The following ADGRD1 variants were observed in gnomAD, a reference collection of about 807,000 sequenced individuals.
The protein encoded by ADGRD1 is G-protein coupled receptor 133.
Under a neutral mutation model 113.4 loss-of-function variants are expected in ADGRD1, and 77 were observed. The observed-to-expected ratio is 0.68, with a 90% CI of 0.57 to 0.82. The LOEUF (loss-of-function observed/expected upper bound fraction) is 0.82. ADGRD1 is among the 40% of genes least tolerant of loss of function. The pLI, the probability that ADGRD1 is intolerant of heterozygous loss-of-function variation, is 0.00. For synonymous variants in ADGRD1, 474 were observed against 475.0 expected (o/e 1.00, Z 0.03); for missense variants, 1,036 against 1,139.1 (o/e 0.91, Z 1.30).
In ADGRD1 at chr12:131,091,543, C is replaced by T. The variant is rs73468767; in HGVS notation, c.1671+6880C>T. 2.4e-3 allele frequency among the ~76,000 whole-genome samples: 365 copies of T among 152,322 alleles called. 1 individual carries two copies. The highest frequency in any genetic ancestry group is 8.3e-3 in the African/African-American group (343 of 41,558). ...GTAACATTGTGTGAAAAGGACAAGACGTAGACTAGAGTGATACATATCCCA... is the reference window on the plus strand; with the variant it reads ...GTAACATTGTGTGAAAAGGACAAGATGTAGACTAGAGTGATACATATCCCA... On this transcript the variant is annotated intron_variant, in intron 15 of 24. Coordinates refer to ENST00000261654, the MANE Select transcript of ADGRD1 (RefSeq NM_198827.5).
At chr12:130,974,822 G>A (rs568503311) in intron 4 of ADGRD1, among the ~76,000 whole-genome samples, 6 of 151,824 alleles carry the variant, frequency 4.0e-5, no homozygotes, top group Middle Eastern at 3.4e-3. Flanking sequence ...CCGGACCCCC[G>A]CTCCCGGCCC....
chr12:131,118,347 T>C (rs757929346), intron 18 of ADGRD1, 38 bp from the exon 19 acceptor site: 68 of 1,531,274 alleles, frequency 4.4e-5, no homozygotes, highest in Non-Finnish European at 5.8e-5. Context: ...GGAAGAAAAC[T>C]GGAGCAAGTG....
At position 130,954,729 on chromosome 12, in the gene ADGRD1, C is replaced by A; in HGVS notation, c.103+69C>A. The A allele has an allele frequency of 1.4e-6, 2 of 1,444,366 alleles. No homozygotes were observed. The highest frequency in any genetic ancestry group is 1.9e-6 in the Non-Finnish European group (2 of 1,027,136). 89.5% of individuals were successfully genotyped at this position (1,444,366 alleles called of 1,614,324 possible). On this transcript the variant is annotated intron_variant, in intron 2 of 24. Transcript: ENST00000261654. The surrounding 1 kb of genome is among the most constrained non-coding windows in gnomAD (Gnocchi z 4.7). ...CCTAGTGCAGGTATCTCAGGAACAGCCCACTTGTTCATCTCTGAGGCATCA... is the reference window on the plus strand; with the variant it reads ...CCTAGTGCAGGTATCTCAGGAACAGACCACTTGTTCATCTCTGAGGCATCA...
chr12:130,956,695 C>A (rs1289103270), intron 2 of ADGRD1: 1 of 152,286 alleles, frequency 6.6e-6, no homozygotes, highest in East Asian at 1.9e-4. Context: ...GCCCTCACTG[C>A]TGCTCAGTGT....
intron 13 of ADGRD1, among the ~76,000 whole-genome samples, chr12:131,033,405 G>A (rs1030055075): frequency 1.3e-5 from 2 of 152,248 alleles, no homozygotes; most frequent in Admixed American, 6.5e-5. Flanking sequence ...CAGAGCCCTG[G>A]AGGCACAGTG....
chr12:131,134,260 G>T (rs983220488), intron 21 of ADGRD1, among the ~76,000 whole-genome samples: 3 of 152,166 alleles, frequency 2.0e-5, no homozygotes, highest in Non-Finnish European at 4.4e-5. Context: ...GCAGAAGGGG[G>T]TCATAGATCA....
At chr12:131,074,811 C>T (rs915010765) in intron 13 of ADGRD1, among the ~76,000 whole-genome samples, 1 of 152,156 alleles carries the variant, frequency 6.6e-6, no homozygotes, top group Non-Finnish European at 1.5e-5. Context: ...CGTTTCAGGG[C>T]GTGATCTTGG....
intron 9 of ADGRD1, chr12:131,002,804 G>T (rs1177138849): frequency 1.6e-5 from 20 of 1,236,868 alleles, no homozygotes; most frequent in Non-Finnish European, 1.8e-5. Flanking sequence ...GTGGACCTGG[G>T]GGCGATCAGC....
chr12:131,123,047 T>TTG, intron 20 of ADGRD1, among the ~76,000 whole-genome samples: 1 of 120,982 alleles, frequency 8.3e-6, no homozygotes, highest in Middle Eastern at 3.9e-3. Flanking sequence ...GAGTTTTTTT[T>TTG]TTTTTTTTTT....
At chr12:131,053,013 C>T (rs978441552) in intron 13 of ADGRD1, among the ~76,000 whole-genome samples, 2 of 152,234 alleles carry the variant, frequency 1.3e-5, no homozygotes, top group Non-Finnish European at 2.9e-5. Flanking sequence ...GGCTGTTTTT[C>T]TGCCTGATCC....
At chr12:130,958,240 C>T (rs1455346476) in intron 2 of ADGRD1, among the ~76,000 whole-genome samples, 1 of 133,810 alleles carries the variant, frequency 7.5e-6, no homozygotes, top group Admixed American at 8.9e-5. Flanking sequence ...TTCTCTGTCG[C>T]CCAGGCTGGA....
At chr12:131,080,367 T>G (rs539476950) in intron 14 of ADGRD1, among the ~76,000 whole-genome samples, 17 of 152,286 alleles carry the variant, frequency 1.1e-4, no homozygotes, top group African/African-American at 4.1e-4. Context: ...CTTTTAAATT[T>G]GTTAAAAGTT....
rs1315534903 is a variant in ADGRD1 at position 131,136,918 on chromosome 12, T to A, written c.2395-55T>A. On this transcript the variant is annotated intron_variant, in intron 22 of 24. Coordinates refer to ENST00000261654, the MANE Select transcript of ADGRD1 (RefSeq NM_198827.5). ...GGCTGCATGGGAGGAACCTCCAGTG[T>A]TCCTAACTACGTGCAAAGGGCTCTA... 3.6e-6 allele frequency: 5 copies of A among 1,407,660 alleles called. No individual in the cohort carries two copies. The African/African-American group carries it at 7.1e-5, about 20-fold the overall frequency. 87.2% of individuals were successfully genotyped at this position (1,407,660 alleles called of 1,614,324 possible).
chr12:130,983,709 G>A (rs1023603521), intron 5 of ADGRD1, among the ~76,000 whole-genome samples: 2 of 152,192 alleles, frequency 1.3e-5, no homozygotes, highest in African/African-American at 2.4e-5. Flanking sequence ...GTCCAAGCGT[G>A]CTCCAGAGAC....
At chr12:131,072,282 T>G (rs988635240) in intron 13 of ADGRD1, among the ~76,000 whole-genome samples, 5 of 152,266 alleles carry the variant, frequency 3.3e-5, no homozygotes, top group East Asian at 1.9e-4. Context: ...TCACACTGGA[T>G]GGTGGGTCTC....
Position 131,123,063 on chromosome 12 carries a change from T to G in ADGRD1, c.2175+2150T>G, listed in dbSNP as rs866237238. Among the ~76,000 whole-genome samples, 266 of 133,348 alleles carry G rather than the reference T, an allele frequency of 2.0e-3. 2 individuals are homozygous for G. The highest frequency in any genetic ancestry group is 0.011 in the Middle Eastern group (3 of 270). 87.5% of individuals were successfully genotyped at this position (133,348 alleles called of 152,430 possible). Reference sequence around the variant, plus strand: ...AGTTTTTTTTTTTTTTTTTTTTTTTTTTTTTTTTTTGCGACAGAGTCTTCG... The same window carrying G: ...AGTTTTTTTTTTTTTTTTTTTTTTTGTTTTTTTTTTGCGACAGAGTCTTCG... On this transcript the variant is annotated intron_variant, in intron 20 of 24. Coordinates refer to ENST00000261654, the MANE Select transcript of ADGRD1 (RefSeq NM_198827.5).
Position 131,084,755 on chromosome 12 carries a change from AC to A in ADGRD1, c.1671+93del. ...GAGGATGCTTTGCCCGCCAGTGCCC[AC>A]GGGCCCTGGGCACATTACTCCATGG... is the stretch of plus-strand genomic sequence containing the variant. On this transcript the variant is annotated intron_variant, in intron 15 of 24. Coordinates refer to ENST00000261654, the MANE Select transcript of ADGRD1 (RefSeq NM_198827.5). This position sits in a 1 kb window ranked among gnomAD's most constrained non-coding sequence, Gnocchi z 4.5. 1 of 1,391,218 alleles carries A rather than the reference AC, an allele frequency of 7.2e-7. No homozygotes were observed. The highest frequency in any genetic ancestry group is 1.4e-5 in the African/African-American group (1 of 70,270). The allele number at this position is 1,391,218 out of a possible 1,614,324, so 86.2% of individuals were successfully genotyped here. A position where few individuals can be genotyped will look rare whatever the true frequency, so the allele number is the denominator to read the frequency against.
chr12:130,992,390 A>C lies in ADGRD1; in HGVS notation c.964A>C (p.Lys322Gln). The C allele has an allele frequency of 1.2e-6, 2 of 1,611,572 alleles. No individual in the cohort carries two copies. Among genetic ancestry groups the C allele is most frequent in the East Asian group, 4.5e-5 (2 of 44,836 alleles). Residue 322 changes from lysine to glutamine, a missense_variant and splice_region_variant, in exon 8 of 25, where the codon AAG becomes CAG. Coordinates refer to ENST00000261654, the MANE Select transcript of ADGRD1 (RefSeq NM_198827.5). ...LSEQTALNLT[K>Q]TFLKAVGEIL... ...GGAGCAGACAGCCTTGAATCTCACCAAGGTAAGGCTATTTGATGTCTGTGT... is the reference window on the plus strand; with the variant it reads ...GGAGCAGACAGCCTTGAATCTCACCCAGGTAAGGCTATTTGATGTCTGTGT...
chr12:131,029,576 G>A (rs1880381304), intron 13 of ADGRD1, among the ~76,000 whole-genome samples: 1 of 150,260 alleles, frequency 6.7e-6, no homozygotes, highest in Non-Finnish European at 1.5e-5. Flanking sequence ...GTTAGGTTGT[G>A]GACCCCTCAT....
Sources: gnomAD v4.1 joint callset for allele counts (sites outside exome capture counted in the v4.1 genomes callset) on GRCh38, gnomAD v4.1.1 for gene constraint, Gnocchi (gnomAD v3.1) non-coding constraint, MANE v1.5 for transcripts, NCBI Gene and HGNC (gene_info 2026-07-23, HGNC 2026-07-21) for gene names.